SETBP1: variants seen among roughly 807,000 people sequenced by gnomAD.
The protein encoded by SETBP1 is SET-binding protein.
A neutral mutation model predicts 101.0 loss-of-function variants in SETBP1; 9 were observed. The ratio of observed to expected loss-of-function variants is 0.09; its 90% confidence interval spans 0.05 to 0.16. The LOEUF (loss-of-function observed/expected upper bound fraction) is 0.16, where lower values mean the gene tolerates loss of function less well. SETBP1 is among the 10% of genes least tolerant of loss of function. The pLI is 1.00. For missense variants in SETBP1, 1,858 were observed against 2,033.8 expected (o/e 0.91, Z 1.66); for synonymous variants, 818 against 788.5 (o/e 1.04, Z -0.63).
At chr18:44,810,916 AC>A (rs1299996638) in intron 2 of SETBP1, among the ~76,000 whole-genome samples, 2 of 152,228 alleles carry the variant, frequency 1.3e-5, no homozygotes, top group African/African-American at 4.8e-5. Flanking sequence ...CCACATATGA[AC>A]ATATGCATTT....
intron 4 of SETBP1, among the ~76,000 whole-genome samples, chr18:44,992,290 G>T (rs969589691): frequency 1.3e-5 from 2 of 152,036 alleles, no homozygotes; most frequent in Non-Finnish European, 2.9e-5. Context: ...AACAGGTGCT[G>T]TAGAGAGGAT....
Position 44,844,949 on chromosome 18 carries a change from G to T in SETBP1, c.487-24281G>T, listed in dbSNP as rs972034649. Among the ~76,000 whole-genome samples the T allele has an allele frequency of 2.6e-5, 4 of 152,202 alleles. No individual in the cohort carries two copies. In the South Asian group the frequency reaches 8.3e-4, roughly 32 times the overall value. On this transcript the variant is annotated intron_variant, in intron 2 of 5. Coordinates refer to ENST00000649279, the MANE Select transcript of SETBP1 (RefSeq NM_015559.3). ...TGTGCTATTCACATTCATGCTTGGG[G>T]CCAGGAGAGAGATTGGCTTGATGGA...
chr18:44,726,384 G>A (rs1017431472), intron 2 of SETBP1, among the ~76,000 whole-genome samples: 9 of 152,164 alleles, frequency 5.9e-5, no homozygotes, highest in Admixed American at 2.0e-4. Flanking sequence ...TGTATGGGAG[G>A]CACCAATCTA....
chr18:44,934,905 C>CA (rs772517614), intron 3 of SETBP1, among the ~76,000 whole-genome samples: 6 of 152,208 alleles, frequency 3.9e-5, no homozygotes, highest in Non-Finnish European at 8.8e-5. Flanking sequence ...ACACTATCTT[C>CA]AGCAGGAATC....
intron 2 of SETBP1, among the ~76,000 whole-genome samples, chr18:44,736,522 T>G (rs2069971734): frequency 6.6e-6 from 1 of 152,192 alleles, no homozygotes; most frequent in Non-Finnish European, 1.5e-5. Context: ...TCTAGAAAAC[T>G]TACCTTGATA....
intron 4 of SETBP1, among the ~76,000 whole-genome samples, chr18:45,033,777 T>A (rs934628295): frequency 6.6e-6 from 1 of 152,232 alleles, no homozygotes; most frequent in Non-Finnish European, 1.5e-5. Flanking sequence ...CTCCATCGCC[T>A]CTTTTATTTT....
intron 3 of SETBP1, among the ~76,000 whole-genome samples, chr18:44,916,083 A>C (rs1218941108): frequency 6.6e-6 from 1 of 151,968 alleles, no homozygotes; most frequent in Non-Finnish European, 1.5e-5. Context: ...AAAATTAGCC[A>C]GTCATGGTGG....
At chr18:44,831,487 A>G (rs1372277831) in intron 2 of SETBP1, among the ~76,000 whole-genome samples, 3 of 152,226 alleles carry the variant, frequency 2.0e-5, no homozygotes, top group Admixed American at 2.0e-4. Context: ...ATTTAATTAC[A>G]TTAGACTCAG....
intron 2 of SETBP1, among the ~76,000 whole-genome samples, chr18:44,720,742 C>CTTGAA (rs1480483540): frequency 6.6e-6 from 1 of 152,074 alleles, no homozygotes; most frequent in Non-Finnish European, 1.5e-5. Context: ...AGGCAGTGTG[C>CTTGAA]TTGAACACTG....
At chr18:44,974,382 T>C (rs996683853) in intron 4 of SETBP1, among the ~76,000 whole-genome samples, 1 of 152,032 alleles carries the variant, frequency 6.6e-6, no homozygotes, top group Non-Finnish European at 1.5e-5. Context: ...CTAAGTAAGT[T>C]TGGCAAGGAG....
intron 4 of SETBP1, among the ~76,000 whole-genome samples, chr18:45,012,059 AG>A (rs1348126090): frequency 1.3e-5 from 2 of 152,236 alleles, no homozygotes; most frequent in African/African-American, 2.4e-5. Flanking sequence ...GGCTTGACCC[AG>A]GGGAGTTGAA....
intron 4 of SETBP1, among the ~76,000 whole-genome samples, chr18:44,957,690 A>C (rs1305393272): frequency 6.6e-6 from 1 of 152,136 alleles, no homozygotes; most frequent in East Asian, 1.9e-4. Context: ...CAGGATATGA[A>C]TGCCCAAGCC....
chr18:44,746,300 G>C (rs1308828161), intron 2 of SETBP1, among the ~76,000 whole-genome samples: 3 of 152,182 alleles, frequency 2.0e-5, no homozygotes, highest in Non-Finnish European at 2.9e-5. Context: ...CTGTAAAATA[G>C]GATACATGAT....
intron 3 of SETBP1, among the ~76,000 whole-genome samples, chr18:44,929,845 T>C (rs935748694): frequency 7.9e-5 from 12 of 152,190 alleles, no homozygotes; most frequent in African/African-American, 2.9e-4. Context: ...GCTGAGATGA[T>C]GGGGTTTTCT....
At chr18:45,037,919 A>T (rs2073430591) in intron 4 of SETBP1, among the ~76,000 whole-genome samples, 1 of 152,094 alleles carries the variant, frequency 6.6e-6, no homozygotes, top group Non-Finnish European at 1.5e-5. Flanking sequence ...CTTACTGAAA[A>T]TGCCTTTCCT....
chr18:44,834,275 A>G (rs1256331207), intron 2 of SETBP1, among the ~76,000 whole-genome samples: 1 of 152,196 alleles, frequency 6.6e-6, no homozygotes, highest in Admixed American at 6.5e-5. Flanking sequence ...CTCAGCAAGA[A>G]CATGGTGCTA....
chr18:44,768,945 G>A (rs1280748387), intron 2 of SETBP1, among the ~76,000 whole-genome samples: 1 of 152,238 alleles, frequency 6.6e-6, no homozygotes, highest in African/African-American at 2.4e-5. Context: ...TCTGAAAAGA[G>A]TTGGACAGTG....
At chr18:44,949,628 G>A (rs1221210774) in intron 3 of SETBP1, among the ~76,000 whole-genome samples, 1 of 152,192 alleles carries the variant, frequency 6.6e-6, no homozygotes, top group Non-Finnish European at 1.5e-5. Flanking sequence ...CAAGATTCCT[G>A]TTATTTAGGG....
intron 2 of SETBP1, among the ~76,000 whole-genome samples, chr18:44,740,503 A>T (rs928110724): frequency 6.6e-6 from 1 of 152,206 alleles, no homozygotes; most frequent in African/African-American, 2.4e-5. Context: ...TGCACTTTGA[A>T]AGTGTCTAGT....
Sources: gnomAD v4.1 joint callset for allele counts (sites outside exome capture counted in the v4.1 genomes callset) on GRCh38, gnomAD v4.1.1 for gene constraint, MANE v1.5 for transcripts, NCBI Gene and HGNC (gene_info 2026-07-23, HGNC 2026-07-21) for gene names.